VPS8: variants seen among roughly 807,000 people sequenced by gnomAD.
VPS8 encodes vacuolar protein sorting-associated protein 8 homolog.
In VPS8, 129 loss-of-function variants were observed where a neutral mutation model predicts 216.4. The ratio of observed to expected loss-of-function variants is 0.60; its 90% CI spans 0.52 to 0.69. The LOEUF (loss-of-function observed/expected upper bound fraction) is 0.69. Ranked by LOEUF, VPS8 falls within the 30% of genes least tolerant of loss-of-function variation. VPS8 has a pLI of 0.00. For missense variants in VPS8, 1,531 were observed against 1,683.5 expected (o/e 0.91, Z 1.59); for synonymous variants, 571 against 565.4 (o/e 1.01, Z -0.14).
chr3:184,850,269 G>A (rs1248127412), intron 10 of VPS8, among the ~76,000 whole-genome samples: 2 of 152,190 alleles, frequency 1.3e-5, no homozygotes, highest in African/African-American at 2.4e-5. Flanking sequence ...TTGTATTGAA[G>A]TCTAATTGAT....
chr3:184,830,697 A>G (rs1719806269), intron 3 of VPS8, among the ~76,000 whole-genome samples: 1 of 152,196 alleles, frequency 6.6e-6, no homozygotes, highest in Non-Finnish European at 1.5e-5. Flanking sequence ...AGAAAATCAA[A>G]TAACATTTTG....
chr3:184,910,126 C>CTT (rs1353654654), intron 25 of VPS8, among the ~76,000 whole-genome samples: 48 of 131,538 alleles, frequency 3.6e-4, no homozygotes, highest in African/African-American at 1.1e-3. Flanking sequence ...CAAGATTCTC[C>CTT]TATTTTTTTT....
At chr3:184,937,033 G>A (rs1741774388) in intron 35 of VPS8, among the ~76,000 whole-genome samples, 1 of 152,134 alleles carries the variant, frequency 6.6e-6, no homozygotes, top group African/African-American at 2.4e-5. Flanking sequence ...CACCACATCT[G>A]GGCCACAACC....
At chr3:184,950,574 T>C (rs1194620186) in intron 36 of VPS8, among the ~76,000 whole-genome samples, 1 of 152,108 alleles carries the variant, frequency 6.6e-6, no homozygotes, top group African/African-American at 2.4e-5. Context: ...GAAGTCAAAA[T>C]TTGAATGTTA....
At chr3:184,999,165 C>T (rs1042547415) in intron 44 of VPS8, among the ~76,000 whole-genome samples, 1 of 152,144 alleles carries the variant, frequency 6.6e-6, no homozygotes, top group African/African-American at 2.4e-5. Context: ...TGAAGCAATT[C>T]TTCTGCCTCA....
intron 36 of VPS8, among the ~76,000 whole-genome samples, chr3:184,956,493 T>C (rs887587930): frequency 3.3e-5 from 5 of 152,256 alleles, no homozygotes; most frequent in African/African-American, 9.6e-5. Context: ...TGTTGTATCT[T>C]ATTAACCGTA....
intron 15 of VPS8, among the ~76,000 whole-genome samples, chr3:184,861,822 C>T (rs1414129217): frequency 6.6e-6 from 1 of 152,030 alleles, no homozygotes; most frequent in Non-Finnish European, 1.5e-5. Flanking sequence ...TCTGAGAGTA[C>T]CTAAGAACTA....
At chr3:184,849,911 T>C in intron 9 of VPS8, 25 bp from the exon 10 acceptor site, 2 of 1,595,328 alleles carry the variant, frequency 1.3e-6, no homozygotes, top group Non-Finnish European at 1.7e-6. Flanking sequence ...TAAATTTGTT[T>C]TTGAAGCACT....
At chr3:185,012,907 C>T (rs4686956) in intron 45 of VPS8, among the ~76,000 whole-genome samples, 151,775 of 152,332 alleles carry the variant, frequency 1, 75,612 homozygotes, top group Middle Eastern at 1. Context: ...CACATATTTA[C>T]TGACAGCAAG....
chr3:184,986,003 CTCT>C (rs1227023078), intron 42 of VPS8, among the ~76,000 whole-genome samples: 2 of 152,296 alleles, frequency 1.3e-5, no homozygotes, highest in East Asian at 3.9e-4. Flanking sequence ...ACCAGCATTC[CTCT>C]TCTTAGATCT....
chr3:184,830,226 C>T (rs1199597792), intron 3 of VPS8, among the ~76,000 whole-genome samples: 2 of 151,916 alleles, frequency 1.3e-5, no homozygotes, highest in Admixed American at 1.3e-4. Context: ...GTATTCTCAT[C>T]TGGTGTCACC....
chr3:184,839,017 C>A, intron 6 of VPS8: 1 of 310,052 alleles, frequency 3.2e-6, no homozygotes, highest in Admixed American at 5.1e-5. Flanking sequence ...CTACCCTGCC[C>A]AAGTAAATTT....
At position 184,915,460 on chromosome 3, in the gene VPS8, A is replaced by T; in HGVS notation, c.2368A>T (p.Asn790Tyr). 1 of 1,613,562 alleles carries T rather than the reference A, an allele frequency of 6.2e-7. No individual in the cohort carries two copies. The highest frequency in any genetic ancestry group is 1.1e-5 in the South Asian group (1 of 91,068). The part of the protein sequence containing the change: ...LLHFDTREFL[N>Y]VLALTFEDFK... ...ACATTTTGACACAAGAGAATTTCTA[A>T]ATGTATTGGCACTGGTAAGAGACAG... Residue 790 changes from asparagine to tyrosine, a missense_variant, in exon 28 of 48, where the codon AAT becomes TAT. Asn to Tyr is a moderately radical substitution (Grantham distance 143). Coordinates refer to ENST00000625842, the MANE Select transcript of VPS8 (RefSeq NM_001009921.3).
At chr3:184,976,137 C>T (rs1300786449) in intron 40 of VPS8, among the ~76,000 whole-genome samples, 1 of 151,966 alleles carries the variant, frequency 6.6e-6, no homozygotes. Context: ...TGTATGATGC[C>T]ATGCCAATAA....
At position 184,860,435 on chromosome 3, in the gene VPS8, G is replaced by GTA. The variant is rs1242220647; in HGVS notation, c.1224+378_1224+379dup. ...TATGTATATATATGTATATATGTGT[G>GTA]TATATATATGTATATGTATGTATAC... On this transcript the variant is annotated intron_variant, in intron 15 of 47. Transcript: ENST00000625842. 2.8e-5 allele frequency among the ~76,000 whole-genome samples: 4 copies of GTA among 144,848 alleles called. No individual in the cohort carries two copies. In the East Asian group the frequency reaches 6.1e-4, roughly 22 times the overall value.
At chr3:184,891,378 A>T (rs1431380584) in intron 22 of VPS8, among the ~76,000 whole-genome samples, 2 of 152,198 alleles carry the variant, frequency 1.3e-5, no homozygotes, top group Non-Finnish European at 2.9e-5. Context: ...TTGTTGAGGA[A>T]CTGGATGTTT....
intron 36 of VPS8, among the ~76,000 whole-genome samples, chr3:184,946,271 T>G (rs1424676170): frequency 5.9e-5 from 9 of 152,234 alleles, no homozygotes; most frequent in Non-Finnish European, 1.0e-4. Flanking sequence ...AAGGTGATTT[T>G]GGTCCCTGAG....
intron 1 of VPS8, among the ~76,000 whole-genome samples, chr3:184,814,034 A>G (rs1715769438): frequency 6.6e-6 from 1 of 152,262 alleles, no homozygotes; most frequent in South Asian, 2.1e-4. Flanking sequence ...GTATGACATT[A>G]TTAAATGTGT....
intron 36 of VPS8, among the ~76,000 whole-genome samples, chr3:184,944,740 A>G (rs1375579564): frequency 4.6e-5 from 7 of 152,222 alleles, no homozygotes; most frequent in African/African-American, 1.7e-4. Context: ...TGTATCTGAA[A>G]GTCTTTAATC....
Sources: gnomAD v4.1 joint callset for allele counts (sites outside exome capture counted in the v4.1 genomes callset) on GRCh38, gnomAD v4.1.1 for gene constraint, MANE v1.5 for transcripts, NCBI Gene and HGNC (gene_info 2026-07-23, HGNC 2026-07-21) for gene names.